IARS1: variants seen among roughly 807,000 people sequenced by gnomAD.
IARS1 encodes the protein isoleucyl-tRNA synthetase 1.
In IARS1, 124 loss-of-function variants were observed where a neutral mutation model predicts 168.2. That is an observed-to-expected ratio of 0.74 (90% confidence interval 0.64 to 0.86). The LOEUF (loss-of-function observed/expected upper bound fraction) is 0.86. Ranked by LOEUF, IARS1 falls within the 40% of genes least tolerant of loss-of-function variation. The pLI is 0.00. For synonymous variants in IARS1, 532 were observed against 529.4 expected, an observed-to-expected ratio of 1.00 and a Z score of -0.07; for missense variants, 1,452 against 1,515.8, an observed-to-expected ratio of 0.96 and a Z score of 0.70.
At chr9:92,292,185 T>A (rs1197949919) in intron 1 of IARS1, among the ~76,000 whole-genome samples, 1 of 57,080 alleles carries the variant, frequency 1.8e-5, no homozygotes, top group African/African-American at 2.2e-4. Context: ...ACTCAGCTTT[T>A]TTTTTTTTTT....
At chr9:92,223,585 C>A (rs1039810879) in intron 31 of IARS1, 96 bp from the exon 32 acceptor site, 3 of 962,404 alleles carry the variant, frequency 3.1e-6, no homozygotes, top group African/African-American at 1.6e-5. Flanking sequence ...TATCTTTTTA[C>A]GATAATGCTT....
intron 13 of IARS1, among the ~76,000 whole-genome samples, chr9:92,268,679 C>T (rs531065890): frequency 8.5e-5 from 13 of 152,338 alleles, no homozygotes; most frequent in African/African-American, 3.1e-4. Context: ...GCCAACAGGC[C>T]AGGGGATTGG....
At chr9:92,220,018 CA>C (rs1252178059) in intron 33 of IARS1, among the ~76,000 whole-genome samples, 1 of 146,332 alleles carries the variant, frequency 6.8e-6, no homozygotes, top group Admixed American at 6.8e-5. Flanking sequence ...GGAACCAACC[CA>C]AATGTCCAAC....
chr9:92,279,863 G>C (rs1287298464), intron 7 of IARS1, among the ~76,000 whole-genome samples: 1 of 152,048 alleles, frequency 6.6e-6, no homozygotes, highest in Non-Finnish European at 1.5e-5. Context: ...TTCACTTCTC[G>C]ATACCTCATA....
chr9:92,262,979 C>G lies in IARS1; in HGVS notation c.1777G>C (p.Val593Leu). ...ACAAAGTTGACCTACCTTGCCAGGA[C>G]AAGCCCATTCACAATTACGTTCTTG... ...PFKNVIVNGL[V>L]LASDGQKMSK... Residue 593 changes from valine (V) to leucine (L), a missense_variant, in exon 17 of 34, where the codon GTC (valine) becomes CTC (leucine). By Grantham distance (32) the Val-to-Leu change is conservative. Coordinates refer to ENST00000443024, the MANE Select transcript of IARS1 (RefSeq NM_002161.6). 1.2e-6 allele frequency: 2 copies of G among 1,613,496 alleles called. No individual in the cohort carries two copies. The highest frequency in any genetic ancestry group is 1.7e-6 in the Non-Finnish European group (2 of 1,179,486).
Position 92,210,708 on chromosome 9 carries a change from A to G in IARS1, c.*99T>C. On this transcript the variant is annotated 3_prime_UTR_variant, in exon 34 of 34. Transcript: ENST00000443024. ...CATATTTTACACACACCTGAAGGAAATATCTTCAGTGTGTTCATGTGTGTG... is the reference window on the plus strand; with the variant it reads ...CATATTTTACACACACCTGAAGGAAGTATCTTCAGTGTGTTCATGTGTGTG... 1.3e-6 allele frequency: 1 copy of G among 746,342 alleles called. No homozygotes were observed. Among genetic ancestry groups the G allele is most frequent in the Non-Finnish European group, 2.4e-6 (1 of 413,076 alleles). 46.2% of individuals were successfully genotyped at this position (746,342 alleles called of 1,614,324 possible). A position where few individuals can be genotyped will look rare whatever the true frequency, so the allele number is the denominator to read the frequency against.
chr9:92,219,198 G>A (rs1292253393), intron 33 of IARS1, among the ~76,000 whole-genome samples: 2 of 152,152 alleles, frequency 1.3e-5, no homozygotes, highest in African/African-American at 4.8e-5. Flanking sequence ...AATAAATGGT[G>A]CTGGGAAAAC....
intron 14 of IARS1, among the ~76,000 whole-genome samples, chr9:92,267,260 T>C (rs1832413849): frequency 6.6e-6 from 1 of 152,200 alleles, no homozygotes; most frequent in African/African-American, 2.4e-5. Context: ...CTGATCCTAG[T>C]GAACACTGGT....
chr9:92,228,012 T>C (rs1312877129), intron 31 of IARS1, among the ~76,000 whole-genome samples: 2 of 151,930 alleles, frequency 1.3e-5, no homozygotes, highest in Non-Finnish European at 2.9e-5. Flanking sequence ...TGTAGCGAGC[T>C]GAGATCACGC....
rs752836785 is a variant in IARS1, at chr9:92,264,937, G to A, written c.1692C>T (p.Thr564=). The A allele has an allele frequency of 1.4e-5, 23 of 1,613,058 alleles. No homozygotes were observed. Among genetic ancestry groups the A allele is most frequent in the Non-Finnish European group, 2.0e-5 (23 of 1,179,406 alleles). The change falls in exon 16 of 34, where the codon ACC becomes ACT. Residue 564 remains threonine (T), a synonymous_variant. Coordinates refer to ENST00000443024, the MANE Select transcript of IARS1 (RefSeq NM_002161.6). ...ADFIAEGIDQ[T]RGWFYTLLVL... is the part of the protein sequence containing the mutation. ...AGAACAAGGAGGCATACCATCCTCT[G>A]GTTTGGTCGATGCCCTCGGCAATGA...
chr9:92,267,136 T>C (rs1564179498), intron 14 of IARS1, among the ~76,000 whole-genome samples: 1 of 152,140 alleles, frequency 6.6e-6, no homozygotes, highest in African/African-American at 2.4e-5. Context: ...ATGCTAGGAT[T>C]ATATCCAGGT....
At chr9:92,262,864 A>G in intron 17 of IARS1, 105 bp downstream of exon 17, 1 of 773,796 alleles carries the variant, frequency 1.3e-6, no homozygotes, top group East Asian at 2.6e-5. Flanking sequence ...CAGTGGAGAC[A>G]AAGCTCCACC....
At chr9:92,290,507 T>G (rs1478387082) in intron 1 of IARS1, among the ~76,000 whole-genome samples, 1 of 152,232 alleles carries the variant, frequency 6.6e-6, no homozygotes, top group Non-Finnish European at 1.5e-5. Context: ...TTTATTTTCT[T>G]GATGGCATTT....
At chr9:92,238,375 T>C (rs941074542) in intron 30 of IARS1, among the ~76,000 whole-genome samples, 1 of 152,182 alleles carries the variant, frequency 6.6e-6, no homozygotes, top group African/African-American at 2.4e-5. Context: ...GGTACCCTTG[T>C]TGCAGTAATG....
rs1333894190 is a variant in IARS1, at chr9:92,222,632, G to T, written c.3594C>A (p.Asn1198Lys). 5.0e-6 allele frequency: 8 copies of T among 1,614,068 alleles called. No individual in the cohort carries two copies. The highest frequency in any genetic ancestry group is 6.8e-6 in the Non-Finnish European group (8 of 1,180,012). ...GGGTGAGTCCATTCTGCCCAAGTGG[G>T]TTTTCAAGCAGGAGAGTGCCCACTG... ...MGTVGTLLLENPLGQNGLTHQ... is the reference protein window; with the variant it reads ...MGTVGTLLLEKPLGQNGLTHQ... Residue 1198 changes from asparagine to lysine, a missense_variant, in exon 33 of 34, where the codon AAC becomes AAA. By Grantham distance (94) the Asn-to-Lys change is moderately conservative (BLOSUM62 0). Coordinates refer to ENST00000443024, the MANE Select transcript of IARS1 (RefSeq NM_002161.6).
Position 92,258,943 on chromosome 9 carries a change from C to G in IARS1, c.1927G>C (p.Glu643Gln), listed in dbSNP as rs1564175514. Residue 643 changes from glutamate to glutamine, a missense_variant, in exon 19 of 34, where the codon GAG becomes CAG. Coordinates refer to ENST00000443024, the MANE Select transcript of IARS1 (RefSeq NM_002161.6). Reference sequence around the variant, plus strand: ...TCCTTAAGGACGTCCCGCACACCCTCTTCTTTAAAGCGGAGGTTTTCTGCT... The same window carrying G: ...TCCTTAAGGACGTCCCGCACACCCTGTTCTTTAAAGCGGAGGTTTTCTGCT... ...VRAENLRFKEEGVRDVLKDVL... is the reference protein window; with the variant it reads ...VRAENLRFKEQGVRDVLKDVL... The G allele has an allele frequency of 6.2e-7, 1 of 1,613,978 alleles. No individual in the cohort carries two copies. The highest frequency in any genetic ancestry group is 1.7e-5 in the Admixed American group (1 of 59,954).
At chr9:92,292,181 C>CT (rs57075703) in intron 1 of IARS1, among the ~76,000 whole-genome samples, 3,048 of 117,932 alleles carry the variant, frequency 0.026, 59 homozygotes, top group Non-Finnish European at 0.039. Flanking sequence ...CCACACTCAG[C>CT]TTTTTTTTTT....
At position 92,268,188 on chromosome 9, in the gene IARS1, C is replaced by T. The variant is rs770121162; in HGVS notation, c.1417G>A (p.Asp473Asn). Residue 473 changes from aspartate (D) to asparagine (N), a missense_variant, in exon 14 of 34, where the codon GAT becomes AAT. Coordinates refer to ENST00000443024, the MANE Select transcript of IARS1 (RefSeq NM_002161.6). ...CCATGCCTCACCTCCTCAAAGTCAT[C>T]GCTGACCCACAGTGGGATGGGGGTG... ...WGTPIPLWVS[D>N]DFEEVVCIGS... 1.4e-5 allele frequency: 23 copies of T among 1,601,924 alleles called. No individual in the cohort carries two copies. Among genetic ancestry groups the T allele is most frequent in the Middle Eastern group, 1.7e-4 (1 of 6,050 alleles).
intron 31 of IARS1, 66 bp downstream of exon 31, chr9:92,228,935 C>T: frequency 6.3e-7 from 1 of 1,589,836 alleles, no homozygotes; most frequent in Non-Finnish European, 8.6e-7. Flanking sequence ...CAACTGACAG[C>T]AAATTAAGAC....
Sources: gnomAD v4.1 joint callset for allele counts (sites outside exome capture counted in the v4.1 genomes callset) on GRCh38, gnomAD v4.1.1 for gene constraint, MANE v1.5 for transcripts, NCBI Gene and HGNC (gene_info 2026-07-23, HGNC 2026-07-21) for gene names.